NOCT: variants seen among roughly 807,000 people sequenced by gnomAD.
NOCT encodes the protein nocturnin.
NOCT carries 18 observed loss-of-function variants against 35.0 expected under a neutral mutation model. The ratio of observed to expected loss-of-function variants is 0.51; its 90% CI spans 0.36 to 0.76. The LOEUF (loss-of-function observed/expected upper bound fraction) is 0.76, where lower values mean the gene tolerates loss of function less well. Among genes scored for constraint, NOCT ranks in the 30% least tolerant of loss-of-function variants. The pLI is 0.01. For missense variants in NOCT, 479 were observed against 541.0 expected (o/e 0.89, Z 1.14); for synonymous variants, 235 against 226.3 (o/e 1.04, Z -0.34).
chr4:139,037,340 A>C (rs1726754312), intron 1 of NOCT, among the ~76,000 whole-genome samples: 1 of 152,268 alleles, frequency 6.6e-6, no homozygotes, highest in African/African-American at 2.4e-5. Flanking sequence ...ATTATTCCAT[A>C]CATGAGTAGT....
Position 139,016,035 on chromosome 4 carries a change from C to G in NOCT, c.54C>G (p.Pro18=). Residue 18 remains proline, a synonymous_variant, in exon 1 of 3, where the codon CCC becomes CCG. Transcript: ENST00000280614. The part of the protein sequence containing the change: ...LCSALLQRDA[P]GLRRLPAPGL... ...CGGCCCTGCTGCAGAGGGACGCGCC[C>G]GGCCTGCGCCGCCTGCCCGCCCCAG... The G allele has an allele frequency of 7.2e-7, 1 of 1,391,360 alleles. No individual in the cohort carries two copies. Among genetic ancestry groups the G allele is most frequent in the Non-Finnish European group, 9.3e-7 (1 of 1,071,986 alleles). 86.2% of individuals were successfully genotyped at this position (1,391,360 alleles called of 1,614,324 possible).
At chr4:139,033,206 C>T (rs1432841271) in intron 1 of NOCT, among the ~76,000 whole-genome samples, 1 of 150,922 alleles carries the variant, frequency 6.6e-6, no homozygotes, top group Admixed American at 6.6e-5. Context: ...CTCTACTAAA[C>T]ATATAAAAAT....
intron 1 of NOCT, among the ~76,000 whole-genome samples, chr4:139,018,257 A>T (rs188198665): frequency 6.6e-6 from 1 of 152,336 alleles, no homozygotes. Context: ...GTACCAGCTT[A>T]TATCTTAAAT....
chr4:139,019,018 T>G (rs1417182561), intron 1 of NOCT, among the ~76,000 whole-genome samples: 1 of 152,324 alleles, frequency 6.6e-6, no homozygotes, highest in South Asian at 2.1e-4. Flanking sequence ...CCAAAGAGCC[T>G]CAGACCCAGC....
At chr4:139,037,446 T>C (rs1202806375) in intron 1 of NOCT, among the ~76,000 whole-genome samples, 1 of 152,210 alleles carries the variant, frequency 6.6e-6, no homozygotes, top group Non-Finnish European at 1.5e-5. Flanking sequence ...TATTTTTTTA[T>C]TTTTGTAGAG....
At position 139,045,410 on chromosome 4, in the gene NOCT, C is replaced by T; in HGVS notation, c.1232C>T (p.Pro411Leu). 6.2e-7 allele frequency: 1 copy of T among 1,613,766 alleles called. No homozygotes were observed. Among genetic ancestry groups the T allele is most frequent in the Non-Finnish European group, 8.5e-7 (1 of 1,179,832 alleles). The part of the protein sequence containing the change: ...GPNRLPSFNY[P>L]SDHLSLVCDF... ...AACAGGTTACCTTCCTTCAATTATCCTTCAGACCACCTGTCTCTAGTGTGT... is the reference window on the plus strand; with the variant it reads ...AACAGGTTACCTTCCTTCAATTATCTTTCAGACCACCTGTCTCTAGTGTGT... Residue 411 changes from proline to leucine, a missense_variant, in exon 3 of 3, where the codon CCT (proline) becomes CTT (leucine). This residue lies in a region of NOCT where 214 missense variants were observed against 284.0 expected (regional missense o/e 0.75). Transcript: ENST00000280614.
At chr4:139,027,660 C>T (rs113148653) in intron 1 of NOCT, among the ~76,000 whole-genome samples, 1 of 152,000 alleles carries the variant, frequency 6.6e-6, no homozygotes, top group Non-Finnish European at 1.5e-5. Flanking sequence ...CCACTAAGCC[C>T]GGCTAATTTT....
intron 1 of NOCT, among the ~76,000 whole-genome samples, chr4:139,025,106 T>G (rs1295346919): frequency 6.6e-6 from 1 of 152,186 alleles, no homozygotes; most frequent in Non-Finnish European, 1.5e-5. Context: ...CTGGTCTGCT[T>G]CTCTTTCAGG....
At chr4:139,043,757 A>T (rs186111138) in intron 2 of NOCT, 44 of 154,842 alleles carry the variant, frequency 2.8e-4, no homozygotes, top group Admixed American at 4.4e-4. Flanking sequence ...TTCTACTAAA[A>T]ATACAAAATT....
Position 139,043,209 on chromosome 4 carries a change from A to T in NOCT, c.326A>T (p.Glu109Val), listed in dbSNP as rs1433851808. The stretch of plus-strand genomic sequence containing the variant: ...CATCTGGAGCCCATTGATCCTAAAG[A>T]GCTTCTTGAGGAATGCAGGGCCGTC... ...PEHLEPIDPK[E>V]LLEECRAVLH... is the part of the protein sequence containing the mutation. The change falls in exon 2 of 3, where the codon GAG (glutamate) becomes GTG (valine). Residue 109 changes from glutamate to valine, a missense_variant. Coordinates refer to ENST00000280614, the MANE Select transcript of NOCT (RefSeq NM_012118.4). 1 of 1,614,090 alleles carries T rather than the reference A, an allele frequency of 6.2e-7. No individual in the cohort carries two copies. Among genetic ancestry groups the T allele is most frequent in the South Asian group, 1.1e-5 (1 of 91,082 alleles).
chr4:139,029,817 G>C (rs1252441779), intron 1 of NOCT, among the ~76,000 whole-genome samples: 1 of 152,140 alleles, frequency 6.6e-6, no homozygotes, highest in Non-Finnish European at 1.5e-5. Context: ...ACCTTCAGGG[G>C]ACGTGTCACA....
At chr4:139,028,585 T>C (rs941101987) in intron 1 of NOCT, among the ~76,000 whole-genome samples, 2 of 152,230 alleles carry the variant, frequency 1.3e-5, no homozygotes, top group Non-Finnish European at 2.9e-5. Context: ...AAGAATGGGC[T>C]GCTGTGTGCG....
At chr4:139,028,559 G>C (rs1726566571) in intron 1 of NOCT, among the ~76,000 whole-genome samples, 1 of 152,238 alleles carries the variant, frequency 6.6e-6, no homozygotes, top group Admixed American at 6.5e-5. Flanking sequence ...CTCGACCTCT[G>C]TTTCTTTCTG....
rs1726280199 is a variant in NOCT at position 139,015,865 on chromosome 4, G to A, written c.-117G>A. 5.0e-6 allele frequency: 4 copies of A among 796,990 alleles called. No homozygotes were observed. Among genetic ancestry groups the A allele is most frequent in the Non-Finnish European group, 6.7e-6 (4 of 597,266 alleles). 49.4% of individuals were successfully genotyped at this position (796,990 alleles called of 1,614,324 possible). ...CCCAGAACCTGCGCCGCGCGAGAAG[G>A]AGCCTGGGAGCATCCGCCCACACTG... On this transcript the variant is annotated 5_prime_UTR_variant, in exon 1 of 3. Transcript: ENST00000280614.
At chr4:139,031,054 A>G (rs1055465216) in intron 1 of NOCT, among the ~76,000 whole-genome samples, 1 of 152,148 alleles carries the variant, frequency 6.6e-6, no homozygotes, top group African/African-American at 2.4e-5. Flanking sequence ...TTAGACGCTG[A>G]ATGGTTTGGG....
chr4:139,041,544 T>C (rs1345124483), intron 1 of NOCT, among the ~76,000 whole-genome samples: 1 of 152,194 alleles, frequency 6.6e-6, no homozygotes, highest in Non-Finnish European at 1.5e-5. Context: ...ATCAACTGCT[T>C]TCAAGTGAAC....
At chr4:139,021,924 A>G (rs1342726315) in intron 1 of NOCT, among the ~76,000 whole-genome samples, 6 of 151,930 alleles carry the variant, frequency 3.9e-5, no homozygotes. Context: ...ATGCCCGGCT[A>G]ATTTTTTTGT....
chr4:139,017,613 C>A (rs979989817), intron 1 of NOCT, among the ~76,000 whole-genome samples: 1 of 151,110 alleles, frequency 6.6e-6, no homozygotes, highest in Non-Finnish European at 1.5e-5. Flanking sequence ...GTAGATCACC[C>A]GAGGTCAGGA....
At chr4:139,029,154 C>A (rs536352400) in intron 1 of NOCT, among the ~76,000 whole-genome samples, 34 of 152,324 alleles carry the variant, frequency 2.2e-4, no homozygotes, top group Non-Finnish European at 3.1e-4. Context: ...ATAGCCTTCT[C>A]TTTATGCCTA....
Sources: allele counts gnomAD v4.1 joint callset (sites outside exome capture counted in the v4.1 genomes callset), GRCh38; gene constraint gnomAD v4.1.1; regional missense constraint gnomAD v4.1.1; transcripts MANE v1.5; gene names NCBI Gene and HGNC (gene_info 2026-07-23, HGNC 2026-07-21).